Variants in ZNF831 observed in about 807,000 individuals in gnomAD.
ZNF831 encodes the protein zinc finger protein 831, also known as chromosome 20 open reading frame 174.
A neutral mutation model predicts 95.8 loss-of-function variants in ZNF831; 59 were observed. The ratio of observed to expected loss-of-function variants is 0.62; its 90% CI spans 0.50 to 0.77. The LOEUF (loss-of-function observed/expected upper bound fraction) is 0.77, where lower values mean the gene tolerates loss of function less well. ZNF831 is among the 30% of genes least tolerant of loss of function. ZNF831 has a pLI of 0.00. For synonymous variants in ZNF831, 961 were observed against 925.5 expected (o/e 1.04, Z -0.70); for missense variants, 2,205 against 2,164.0 (o/e 1.02, Z -0.38).
chr20:59,254,843 AC>A lies in ZNF831; in HGVS notation c.*102del. ...AAGAACTAAACTCTATCTGTGAAAC[AC>A]CTACAGATTAGGAAAGCCATTTTGA... On this transcript the variant is annotated 3_prime_UTR_variant, in exon 6 of 6. Coordinates refer to ENST00000371030, the MANE Select transcript of ZNF831 (RefSeq NM_178457.3). The surrounding 1 kb of genome is among the most constrained non-coding windows in gnomAD (Gnocchi z 4.5). 2 of 1,462,434 alleles carry A rather than the reference AC, an allele frequency of 1.4e-6. No homozygotes were observed. The highest frequency in any genetic ancestry group is 1.8e-6 in the Non-Finnish European group (2 of 1,090,124). The allele number at this position is 1,462,434 out of a possible 1,614,324, so 90.6% of individuals were successfully genotyped here. A position where few individuals can be genotyped will look rare whatever the true frequency, so the allele number is the denominator to read the frequency against.
intron 1 of ZNF831, among the ~76,000 whole-genome samples, chr20:59,144,297 G>A (rs1191318328): frequency 6.6e-6 from 1 of 152,118 alleles, no homozygotes; most frequent in Non-Finnish European, 1.5e-5. Context: ...TCTCACAGGT[G>A]TCGTCTCAGT....
chr20:59,195,887 C>T lies in ZNF831; in HGVS notation c.3757C>T (p.Pro1253Ser). The change falls in exon 3 of 6, where the codon CCA (proline) becomes TCA (serine). Residue 1253 changes from proline (P) to serine (S), a missense_variant. Physicochemically the swap from Pro to Ser is moderately conservative, Grantham distance 74 (BLOSUM62 -1). Coordinates refer to ENST00000371030, the MANE Select transcript of ZNF831 (RefSeq NM_178457.3). ...QMSKFSYPTV[P>S]GVMPQHQVSE... ...TTTTCAGTTCTCCTACCCAACAGTC[C>T]CAGGGGTGATGCCCCAGCACCAGGT... The T allele has an allele frequency of 4.3e-6, 7 of 1,614,002 alleles. No individual in the cohort carries two copies. The highest frequency in any genetic ancestry group is 2.5e-6 in the Non-Finnish European group (3 of 1,179,984).
Position 59,211,065 on chromosome 20 carries a change from A to C in ZNF831, c.4027+4009A>C, listed in dbSNP as rs6100368. ...AAAAAAAAAGAAAAAAAAAAAAAAA[A>C]CAAATCCAAGGAGAAAAAAAAATTC... On this transcript the variant is annotated intron_variant, in intron 4 of 5. Transcript: ENST00000371030. Among the ~76,000 whole-genome samples the C allele has an allele frequency of 5.3e-4, 41 of 77,560 alleles. 3 individuals are homozygous for C. The highest frequency in any genetic ancestry group is 2.9e-3 in the African/African-American group (36 of 12,546). The allele number at this position is 77,560 out of a possible 152,430, so 50.9% of individuals were successfully genotyped here. A position where few individuals can be genotyped will look rare whatever the true frequency, so the allele number is the denominator to read the frequency against.
intron 4 of ZNF831, among the ~76,000 whole-genome samples, chr20:59,250,439 C>T (rs541278244): frequency 1.3e-5 from 2 of 152,302 alleles, no homozygotes; most frequent in African/African-American, 4.8e-5. Flanking sequence ...AACCACATAA[C>T]CTAACAGTAG....
intron 1 of ZNF831, among the ~76,000 whole-genome samples, chr20:59,185,599 T>C (rs558488293): frequency 2.6e-5 from 4 of 152,160 alleles, no homozygotes; most frequent in African/African-American, 9.6e-5. Flanking sequence ...CTTCAGGGCC[T>C]TTCTGGGTGC....
Position 59,195,994 on chromosome 20 carries a change from C to A in ZNF831, c.3864C>A (p.Ile1288=). Residue 1288 remains isoleucine (I), a synonymous_variant, in exon 3 of 6, where the codon ATC becomes ATA. Coordinates refer to ENST00000371030, the MANE Select transcript of ZNF831 (RefSeq NM_178457.3). The part of the protein sequence containing the change: ...RGNSKQRKLK[I]NPKRYKGNFL... Reference sequence around the variant, plus strand: ...ACAGCAAGCAGAGAAAACTGAAGATCAACCCTAAAAGGTAGGATGAGTGGC... The same window carrying A: ...ACAGCAAGCAGAGAAAACTGAAGATAAACCCTAAAAGGTAGGATGAGTGGC... The A allele has an allele frequency of 6.2e-7, 1 of 1,613,920 alleles. No individual in the cohort carries two copies. The highest frequency in any genetic ancestry group is 8.5e-7 in the Non-Finnish European group (1 of 1,179,918).
At chr20:59,246,645 A>C (rs187555662) in intron 4 of ZNF831, among the ~76,000 whole-genome samples, 188 of 152,300 alleles carry the variant, frequency 1.2e-3, no homozygotes, top group Admixed American at 4.3e-3. Flanking sequence ...ACCGCTTTGC[A>C]CTGAATTCAG....
chr20:59,225,145 CTT>C (rs1413560254), intron 4 of ZNF831, among the ~76,000 whole-genome samples: 1 of 151,884 alleles, frequency 6.6e-6, no homozygotes, highest in Non-Finnish European at 1.5e-5. Context: ...TTTTTTTTAA[CTT>C]AAGAAATGGG....
chr20:59,193,638 C>T lies in ZNF831; in HGVS notation c.2619C>T (p.Ala873=), dbSNP rs372677854. The T allele has an allele frequency of 5.1e-5, 83 of 1,612,498 alleles. No individual in the cohort carries two copies. Among genetic ancestry groups the T allele is most frequent in the Non-Finnish European group, 6.8e-5 (80 of 1,179,652 alleles). ...TGCCAGGGGGCTCAAAGGAGAGTGC[C>T]AGGCAGGTGGGCGAGCCTCTGGAGT... ...GEVPGGSKES[A]RQVGEPLESS... The change falls in exon 2 of 6, where the codon GCC becomes GCT. Residue 873 remains alanine, a synonymous_variant. Transcript: ENST00000371030.
chr20:59,254,375 T>G lies in ZNF831; in HGVS notation c.4666T>G (p.Ser1556Ala). 2 of 1,614,056 alleles carry G rather than the reference T, an allele frequency of 1.2e-6. No homozygotes were observed. The highest frequency in any genetic ancestry group is 1.7e-6 in the Non-Finnish European group (2 of 1,180,010). Residue 1556 changes from serine to alanine, a missense_variant, in exon 6 of 6, where the codon TCG (serine) becomes GCG (alanine). Physicochemically the swap from Ser to Ala is moderately conservative, Grantham distance 99. Coordinates refer to ENST00000371030, the MANE Select transcript of ZNF831 (RefSeq NM_178457.3). The surrounding 1 kb of genome is among the most constrained non-coding windows in gnomAD (Gnocchi z 4.5). The stretch of plus-strand genomic sequence containing the variant: ...TTCATCTGGACAAAGAATTTCAGAT[T>G]CGGTTCCACTGGAGTCAACTGAAAA... ...RPSSGQRISD[S>A]VPLESTEKTH...
At chr20:59,196,132 A>G (rs1164429498) in intron 3 of ZNF831, 127 bp downstream of exon 3, 3 of 1,321,268 alleles carry the variant, frequency 2.3e-6, no homozygotes, top group African/African-American at 3.0e-5. Flanking sequence ...CTTCATGATT[A>G]AAGGACTGAA....
chr20:59,185,437 T>G (rs758132434), intron 1 of ZNF831, among the ~76,000 whole-genome samples: 61 of 152,190 alleles, frequency 4.0e-4, no homozygotes, highest in South Asian at 6.2e-4. Flanking sequence ...TGAGAGTCAG[T>G]TCTGGGCTCC....
chr20:59,144,928 T>A (rs1012114252), intron 1 of ZNF831, among the ~76,000 whole-genome samples: 1 of 152,180 alleles, frequency 6.6e-6, no homozygotes, highest in Non-Finnish European at 1.5e-5. Flanking sequence ...GGAGGGCCTG[T>A]GAATTTGTCC....
At chr20:59,162,568 A>ATTT (rs1225373627), upstream of ZNF831, among the ~76,000 whole-genome samples, 1 of 151,804 alleles carries the variant, frequency 6.6e-6, no homozygotes, top group Non-Finnish European at 1.5e-5. Flanking sequence ...TTCACTGTTT[A>ATTT]TTTTTGTTGA....
chr20:59,219,873 G>A (rs1393475822), intron 4 of ZNF831, among the ~76,000 whole-genome samples: 1 of 152,178 alleles, frequency 6.6e-6, no homozygotes, highest in African/African-American at 2.4e-5. Context: ...CAGAAGGTGG[G>A]AAGGCAACAA....
Position 59,241,359 on chromosome 20 carries a change from G to GAA in ZNF831, c.4028-11609_4028-11608dup, listed in dbSNP as rs769396068. ...CAGAAACCATTGAGAGGCTTTTGCT[G>GAA]AAAAAAAAAAATGCCACTTGAGCTG... On this transcript the variant is annotated intron_variant, in intron 4 of 5. Transcript: ENST00000371030. Among the ~76,000 whole-genome samples the GAA allele has an allele frequency of 1.2e-3, 172 of 145,170 alleles. 1 individual carries two copies. Among genetic ancestry groups the GAA allele is most frequent in the African/African-American group, 4.0e-3 (158 of 39,842 alleles).
chr20:59,191,480 T>C lies in ZNF831; in HGVS notation c.461T>C (p.Leu154Pro), dbSNP rs1454492814. 5 of 1,612,944 alleles carry C rather than the reference T, an allele frequency of 3.1e-6. No homozygotes were observed. The highest frequency in any genetic ancestry group is 3.4e-6 in the Non-Finnish European group (4 of 1,180,008). ...YLCPHCGRDC[L>P]KPSVLEKHIR... ...TGTCCGCACTGTGGTCGCGACTGCC[T>C]GAAGCCCAGTGTTCTAGAGAAGCAC... The change falls in exon 2 of 6, where the codon CTG becomes CCG. Residue 154 changes from leucine (L) to proline (P), a missense_variant. Transcript: ENST00000371030.
intron 1 of ZNF831, among the ~76,000 whole-genome samples, chr20:59,167,737 A>G (rs372579828): frequency 6.6e-6 from 1 of 152,160 alleles, no homozygotes; most frequent in African/African-American, 2.4e-5. Context: ...CTCTCTCTAC[A>G]GAACTGCTTT....
At chr20:59,235,428 T>C (rs1986948468) in intron 4 of ZNF831, among the ~76,000 whole-genome samples, 2 of 152,018 alleles carry the variant, frequency 1.3e-5, no homozygotes, top group South Asian at 2.1e-4. Context: ...CCCCCAGGAG[T>C]TTCCCCACTC....
Sources: allele counts gnomAD v4.1 joint callset (sites outside exome capture counted in the v4.1 genomes callset), GRCh38; gene constraint gnomAD v4.1.1; non-coding constraint Gnocchi (gnomAD v3.1); transcripts MANE v1.5; gene names NCBI Gene and HGNC (gene_info 2026-07-23, HGNC 2026-07-21).